Variants in C4orf51 observed in about 807,000 individuals in gnomAD.
C4orf51 encodes chromosome 4 open reading frame 51, also known as uncharacterized protein C4orf51.
A neutral mutation model predicts 25.2 loss-of-function variants in C4orf51; 25 were observed. The ratio of observed to expected loss-of-function variants is 0.99; its 90% confidence interval spans 0.72 to 1.39. C4orf51 has a LOEUF of 1.39. Ranked by LOEUF, C4orf51 falls within the 40% of genes most tolerant of loss-of-function variation. C4orf51 has a pLI of 0.00. For synonymous variants in C4orf51, 100 were observed against 84.5 expected (o/e 1.18, Z -1.01); for missense variants, 252 against 239.6 (o/e 1.05, Z -0.34).
chr4:145,719,709 T>G (rs1443170542), intron 2 of C4orf51, among the ~76,000 whole-genome samples: 1 of 152,214 alleles, frequency 6.6e-6, no homozygotes. Flanking sequence ...GAATTACTAG[T>G]GCGTGGCACT....
chr4:145,701,737 T>C (rs1283045519), intron 2 of C4orf51, among the ~76,000 whole-genome samples: 2 of 152,034 alleles, frequency 1.3e-5, no homozygotes, highest in African/African-American at 4.8e-5. Flanking sequence ...GTTGTAGTTA[T>C]TGACAGCCAG....
At chr4:145,693,735 G>A (rs1269785822) in intron 1 of C4orf51, among the ~76,000 whole-genome samples, 3 of 93,330 alleles carry the variant, frequency 3.2e-5, no homozygotes, top group African/African-American at 9.6e-5. Flanking sequence ...CCTCCCTCCC[G>A]GACGGGGCGG....
chr4:145,725,654 T>C (rs1481720072), intron 2 of C4orf51, among the ~76,000 whole-genome samples: 4 of 151,680 alleles, frequency 2.6e-5, no homozygotes, highest in Non-Finnish European at 4.4e-5. Flanking sequence ...CCTCAAAACA[T>C]TGTGTTAAGT....
intron 1 of C4orf51, among the ~76,000 whole-genome samples, chr4:145,745,797 A>C (rs1322729280): frequency 6.6e-6 from 1 of 152,214 alleles, no homozygotes; most frequent in African/African-American, 2.4e-5. Context: ...AGGAACCTCC[A>C]AACTGTTCTC....
intron 4 of C4orf51, 144 bp from the exon 5 acceptor site, chr4:145,729,748 A>G (rs1732356114): frequency 6.2e-6 from 4 of 646,768 alleles, no homozygotes; most frequent in Admixed American, 2.5e-5. Flanking sequence ...TTTGTCACTC[A>G]TGCTGGTGGC....
chr4:145,768,112 C>T (rs1298857406), intron 1 of C4orf51, among the ~76,000 whole-genome samples: 3 of 152,136 alleles, frequency 2.0e-5, no homozygotes, highest in Non-Finnish European at 4.4e-5. Flanking sequence ...GGTTCTTATA[C>T]AACATATGAA....
At chr4:145,738,939 C>G (rs978907028) in intron 1 of C4orf51, among the ~76,000 whole-genome samples, 5 of 152,128 alleles carry the variant, frequency 3.3e-5, no homozygotes, top group Admixed American at 1.3e-4. Context: ...CTGCACCTGG[C>G]CAGCAATTAT....
downstream of C4orf51, among the ~76,000 whole-genome samples, chr4:145,737,498 TG>T (rs1254060117): frequency 6.6e-6 from 1 of 152,246 alleles, no homozygotes; most frequent in East Asian, 1.9e-4. Context: ...CATTACCTTT[TG>T]GATTCATTTT....
intron 1 of C4orf51, among the ~76,000 whole-genome samples, chr4:145,687,093 G>C (rs1729208327): frequency 6.6e-6 from 1 of 152,112 alleles, no homozygotes; most frequent in African/African-American, 2.4e-5. Flanking sequence ...CAAGCTGGTA[G>C]CTGCTTAGGG....
downstream of C4orf51, among the ~76,000 whole-genome samples, chr4:145,772,057 C>T (rs912444350): frequency 1.3e-5 from 2 of 152,174 alleles, no homozygotes; most frequent in Admixed American, 6.5e-5. Flanking sequence ...TCAGTGTGTG[C>T]TTTCCTCCAT....
chr4:145,761,715 GC>G lies in C4orf51; in HGVS notation n.167-9270del. 2 of 519,964 alleles carry G rather than the reference GC, an allele frequency of 3.8e-6. No homozygotes were observed. The highest frequency in any genetic ancestry group is 6.1e-6 in the Non-Finnish European group (2 of 329,926). 32.2% of individuals were successfully genotyped at this position (519,964 alleles called of 1,614,324 possible). A position where few individuals can be genotyped will look rare whatever the true frequency, so the allele number is the denominator to read the frequency against. On this transcript the variant is annotated intron_variant and non_coding_transcript_variant, in intron 1 of 1. Transcript: ENST00000510096. The surrounding 1 kb of genome is among the most constrained non-coding windows in gnomAD (Gnocchi z 6.8). Reference sequence around the variant, plus strand: ...CCCCCCAGTGTCTGAGGCCTGGCCTGCCCAGCCCAGCCCAGCCCTGCCGCCT... The same window carrying G: ...CCCCCCAGTGTCTGAGGCCTGGCCTGCCAGCCCAGCCCAGCCCTGCCGCCT...
At chr4:145,716,720 T>C (rs571887350) in intron 2 of C4orf51, among the ~76,000 whole-genome samples, 31 of 152,156 alleles carry the variant, frequency 2.0e-4, no homozygotes, top group Non-Finnish European at 3.8e-4. Flanking sequence ...TGCAGCCTTA[T>C]TGGGTTTTCC....
intron 1 of C4orf51, among the ~76,000 whole-genome samples, chr4:145,694,371 TG>T (rs1414525993): frequency 7.7e-6 from 1 of 130,412 alleles, no homozygotes; most frequent in East Asian, 2.9e-4. Flanking sequence ...GGGAGGGAGG[TG>T]GGGGGGTCAG....
At chr4:145,740,081 C>T (rs958395837) in intron 1 of C4orf51, among the ~76,000 whole-genome samples, 4 of 152,094 alleles carry the variant, frequency 2.6e-5, no homozygotes, top group South Asian at 4.1e-4. Context: ...AAACCGTTCA[C>T]GTGGATCTTC....
intron 2 of C4orf51, among the ~76,000 whole-genome samples, 176 bp downstream of exon 2, chr4:145,696,808 G>T (rs369959788): frequency 6.6e-6 from 1 of 152,062 alleles, no homozygotes; most frequent in Non-Finnish European, 1.5e-5. Flanking sequence ...CAAGGTGGGC[G>T]GATCACTTGA....
intron 1 of C4orf51, chr4:145,760,693 CTGCTGGGGTTGTGTT>C (rs1336737851): frequency 2.0e-6 from 2 of 987,030 alleles, no homozygotes; most frequent in Non-Finnish European, 2.5e-6. Flanking sequence ...CAACATACAC[CTGCTGGGGTTGTGTT>C]TAAGTTTTGT....
chr4:145,691,583 A>G (rs558329994), intron 1 of C4orf51, among the ~76,000 whole-genome samples: 1 of 152,362 alleles, frequency 6.6e-6, no homozygotes, highest in Middle Eastern at 3.4e-3. Context: ...AAAATGTGGC[A>G]TGTATACACC....
chr4:145,769,374 C>T (rs1446233141), intron 1 of C4orf51, among the ~76,000 whole-genome samples: 1 of 152,080 alleles, frequency 6.6e-6, no homozygotes, highest in Non-Finnish European at 1.5e-5. Flanking sequence ...ACCCTGAATC[C>T]CTGATACTGC....
At chr4:145,749,683 G>A (rs1325971695) in intron 1 of C4orf51, among the ~76,000 whole-genome samples, 1 of 151,848 alleles carries the variant, frequency 6.6e-6, no homozygotes, top group Admixed American at 6.6e-5. Context: ...TGCCCAGGCT[G>A]GAGTGCAGTG....
Sources: gnomAD v4.1 joint callset for allele counts (sites outside exome capture counted in the v4.1 genomes callset) on GRCh38, gnomAD v4.1.1 for gene constraint, Gnocchi (gnomAD v3.1) non-coding constraint, MANE v1.5 for transcripts, NCBI Gene and HGNC (gene_info 2026-07-23, HGNC 2026-07-21) for gene names.